The following GLG1 variants were observed in gnomAD, a reference collection of about 807,000 sequenced individuals.
GLG1 encodes the protein Golgi apparatus protein 1.
A neutral mutation model predicts 160.5 loss-of-function variants in GLG1; 38 were observed. The ratio of observed to expected loss-of-function variants is 0.24; its 90% CI spans 0.18 to 0.31. The LOEUF (loss-of-function observed/expected upper bound fraction) is 0.31. GLG1 is among the 10% of genes least tolerant of loss of function. The pLI, the probability that GLG1 is intolerant of heterozygous loss-of-function variation, is 1.00. For synonymous variants in GLG1, 644 were observed against 543.4 expected (o/e 1.19, Z -2.57); for missense variants, 1,373 against 1,505.2 (o/e 0.91, Z 1.45).
rs749443244 is a variant in GLG1 at position 74,457,918 on chromosome 16, T to G, written c.3221A>C (p.Asp1074Ala). Residue 1074 changes from aspartate to alanine, a missense_variant, in exon 24 of 26, where the codon GAC becomes GCC. Physicochemically the swap from Asp to Ala is moderately radical, Grantham distance 126. This residue lies in a region of GLG1 where 491 missense variants were observed against 632.1 expected (regional missense o/e 0.78). Coordinates refer to ENST00000422840, the MANE Select transcript of GLG1 (RefSeq NM_001145667.2). ...GATGGCTGCGCAGTGGTGTTTAATG[T>G]CCAGGGCACAAGCAGTATGAAGTAC... ...DPVLHTACALDIKHHCAAITP... is the reference protein window; with the variant it reads ...DPVLHTACALAIKHHCAAITP... The G allele has an allele frequency of 6.2e-7, 1 of 1,613,988 alleles. No individual in the cohort carries two copies. Among genetic ancestry groups the G allele is most frequent in the East Asian group, 2.2e-5 (1 of 44,890 alleles).
intron 8 of GLG1, among the ~76,000 whole-genome samples, chr16:74,487,749 G>C (rs946280107): frequency 1.5e-4 from 23 of 152,142 alleles, no homozygotes; most frequent in Non-Finnish European, 2.9e-4. Flanking sequence ...ACAGGCAAAC[G>C]TCAAGAAACA....
At chr16:74,514,043 T>C (rs999218923) in intron 2 of GLG1, among the ~76,000 whole-genome samples, 3 of 151,966 alleles carry the variant, frequency 2.0e-5, no homozygotes, top group Admixed American at 6.6e-5. Context: ...TGATCAGTGA[T>C]TGAAGATCAA....
At chr16:74,467,555 G>A (rs1189266714) in intron 18 of GLG1, among the ~76,000 whole-genome samples, 1 of 152,134 alleles carries the variant, frequency 6.6e-6, no homozygotes, top group Non-Finnish European at 1.5e-5. Context: ...GAGTTAGAGA[G>A]GAGTGCAGGT....
chr16:74,523,867 C>A (rs1597306305), intron 2 of GLG1, among the ~76,000 whole-genome samples: 1 of 152,014 alleles, frequency 6.6e-6, no homozygotes, highest in Non-Finnish European at 1.5e-5. Flanking sequence ...TATATAATTA[C>A]CTCATCTGTA....
intron 2 of GLG1, among the ~76,000 whole-genome samples, chr16:74,510,226 T>G (rs1240399542): frequency 6.7e-6 from 1 of 150,204 alleles, no homozygotes; most frequent in Admixed American, 6.6e-5. Flanking sequence ...AGATGGGGTT[T>G]CTCCATGTTG....
chr16:74,507,898 A>G (rs1248418767), intron 3 of GLG1, among the ~76,000 whole-genome samples: 5 of 152,208 alleles, frequency 3.3e-5, no homozygotes, highest in Admixed American at 6.5e-5. Flanking sequence ...TCCTATAGCT[A>G]GCTAAGGGAG....
rs186712287 is a variant in GLG1, at chr16:74,486,924, T to C, written c.1450-1007A>G. Among the ~76,000 whole-genome samples the C allele has an allele frequency of 3.6e-3, 541 of 149,678 alleles. 1 individual carries two copies. The highest frequency in any genetic ancestry group is 7.7e-3 in the African/African-American group (315 of 40,762). ...TTTTGGGGTAGAAATCTTTTTTTTT[T>C]CCCCCCCGAGACAGAGTTTCGCTCT... On this transcript the variant is annotated intron_variant, in intron 8 of 25. Coordinates refer to ENST00000422840, the MANE Select transcript of GLG1 (RefSeq NM_001145667.2).
At position 74,452,898 on chromosome 16, in the gene GLG1, G is replaced by C. The variant is rs1292871511; in HGVS notation, c.*269C>G. 20 of 1,152,542 alleles carry C rather than the reference G, an allele frequency of 1.7e-5. No individual in the cohort carries two copies. Among genetic ancestry groups the C allele is most frequent in the Non-Finnish European group, 2.1e-5 (20 of 937,436 alleles). 71.4% of individuals were successfully genotyped at this position (1,152,542 alleles called of 1,614,324 possible). On this transcript the variant is annotated 3_prime_UTR_variant, in exon 26 of 26. Coordinates refer to ENST00000422840, the MANE Select transcript of GLG1 (RefSeq NM_001145667.2). ...AGTACCGGAAGTTCTGTTGGTATGA[G>C]AGAGACTTGTCTACAGGCAGGTAAA...
intron 16 of GLG1, chr16:74,469,708 G>C (rs2015128781): frequency 4.5e-6 from 2 of 445,760 alleles, no homozygotes; most frequent in African/African-American, 1.9e-5. Flanking sequence ...GCTTCTCTAA[G>C]TACACAATCC....
chr16:74,496,664 A>G lies in GLG1; in HGVS notation c.775-20T>C. On this transcript the variant is annotated intron_variant, in intron 4 of 25. Coordinates refer to ENST00000422840, the MANE Select transcript of GLG1 (RefSeq NM_001145667.2). ...TGCATCCTAAAATAGCGAGGATATT[A>G]ATATTTTAAAACTTTTATCACATGG... 6.5e-7 allele frequency: 1 copy of G among 1,542,146 alleles called. No homozygotes were observed.
intron 1 of GLG1, among the ~76,000 whole-genome samples, chr16:74,575,888 GCTCTCTCT>G (rs148439527): frequency 1.4e-4 from 21 of 150,688 alleles, no homozygotes; most frequent in African/African-American, 4.9e-4. Flanking sequence ...GTGCTCTCAT[GCTCTCTCT>G]CTCTCTCTCA....
At chr16:74,486,351 A>C (rs969529070) in intron 8 of GLG1, among the ~76,000 whole-genome samples, 1 of 152,254 alleles carries the variant, frequency 6.6e-6, no homozygotes, top group African/African-American at 2.4e-5. Flanking sequence ...TTTTGCTGCA[A>C]AGACACTGGT....
chr16:74,544,417 G>A (rs542768532), intron 1 of GLG1, among the ~76,000 whole-genome samples: 28 of 152,288 alleles, frequency 1.8e-4, no homozygotes, highest in Admixed American at 7.9e-4. Flanking sequence ...AGGTTCACGC[G>A]AATCTCCTGC....
At position 74,448,866 on chromosome 16, in the gene GLG1, G is replaced by A. The variant is rs1484961978; in HGVS notation, c.*4301C>T. ...GGCCACTTTGCGGCCACTTTGGAAG[G>A]CCGAAGTGGGCACATCATGAGGTCA... On this transcript the variant is annotated 3_prime_UTR_variant, in exon 26 of 26. Transcript: ENST00000422840. 1 of 152,112 alleles carries A rather than the reference G, an allele frequency of 6.6e-6. No individual in the cohort carries two copies. The highest frequency in any genetic ancestry group is 6.6e-5 in the Admixed American group (1 of 15,266). The allele number at this position is 152,112 out of a possible 1,614,324, so 9.4% of individuals were successfully genotyped here.
chr16:74,473,925 T>C (rs1261062088), intron 13 of GLG1, among the ~76,000 whole-genome samples: 1 of 151,070 alleles, frequency 6.6e-6, no homozygotes, highest in Non-Finnish European at 1.5e-5. Context: ...TGCTCTTGAA[T>C]GTGACTGTGA....
At chr16:74,505,171 G>C (rs139866409) in intron 3 of GLG1, among the ~76,000 whole-genome samples, 67 of 152,252 alleles carry the variant, frequency 4.4e-4, no homozygotes, top group African/African-American at 1.5e-3. Context: ...TCCAAAAGGT[G>C]CTGGATGAAG....
At chr16:74,509,707 G>A (rs1459125191) in intron 2 of GLG1, among the ~76,000 whole-genome samples, 1 of 151,776 alleles carries the variant, frequency 6.6e-6, no homozygotes, top group African/African-American at 2.4e-5. Flanking sequence ...AAAATTAGCC[G>A]GCGTGGTGGC....
At chr16:74,472,269 G>A (rs1451208538) in intron 14 of GLG1, 80 bp downstream of exon 14, 3 of 898,270 alleles carry the variant, frequency 3.3e-6, no homozygotes, top group Non-Finnish European at 5.6e-6. Flanking sequence ...TGCAGACAGA[G>A]GTGAGTCTGA....
At chr16:74,457,782 A>T (rs762993689) in intron 24 of GLG1, 92 bp downstream of exon 24, 1 of 1,234,810 alleles carries the variant, frequency 8.1e-7, no homozygotes, top group Non-Finnish European at 1.2e-6. Flanking sequence ...CAGACCATAC[A>T]GACCACAGTA....
Sources: allele counts gnomAD v4.1 joint callset (sites outside exome capture counted in the v4.1 genomes callset), GRCh38; gene constraint gnomAD v4.1.1; regional missense constraint gnomAD v4.1.1; transcripts MANE v1.5; gene names NCBI Gene and HGNC (gene_info 2026-07-23, HGNC 2026-07-21).